The following PITPNC1 variants were observed in gnomAD, a reference collection of about 807,000 sequenced individuals.
PITPNC1 encodes phosphatidylinositol transfer protein cytoplasmic 1, also known as cytoplasmic phosphatidylinositol transfer protein 1.
Under a neutral mutation model 44.7 loss-of-function variants are expected in PITPNC1, and 18 were observed. The observed-to-expected ratio is 0.40, with a 90% CI of 0.28 to 0.60. PITPNC1 has a LOEUF of 0.60. Among genes scored for constraint, PITPNC1 ranks in the 20% least tolerant of loss-of-function variants. PITPNC1 has a pLI of 0.39. For synonymous variants in PITPNC1, 141 were observed against 149.6 expected (o/e 0.94, Z 0.42); for missense variants, 290 against 418.4 (o/e 0.69, Z 2.68).
intron 1 of PITPNC1, among the ~76,000 whole-genome samples, chr17:67,476,574 A>G (rs949851866): frequency 3.3e-5 from 5 of 152,156 alleles, no homozygotes; most frequent in African/African-American, 9.7e-5. Context: ...CTGGATGCAT[A>G]TAAGAATCAC....
chr17:67,641,072 CA>C (rs2042088149), intron 6 of PITPNC1, among the ~76,000 whole-genome samples: 1 of 152,148 alleles, frequency 6.6e-6, no homozygotes, highest in Non-Finnish European at 1.5e-5. Flanking sequence ...AGCAAGGCAG[CA>C]AGAGAAATAC....
rs1387903519 is a variant in PITPNC1, at chr17:67,377,297, G to A, written c.-858G>A. The A allele has an allele frequency of 6.6e-6, 1 of 152,252 alleles. No individual in the cohort carries two copies. Among genetic ancestry groups the A allele is most frequent in the Non-Finnish European group, 1.5e-5 (1 of 68,100 alleles). 9.4% of individuals were successfully genotyped at this position (152,252 alleles called of 1,614,324 possible). Reference sequence around the variant, plus strand: ...CTCGCTCCTCCCGCACCCACCTCCCGGCCCCAGGCACACTGCATCGGCGCG... The same window carrying A: ...CTCGCTCCTCCCGCACCCACCTCCCAGCCCCAGGCACACTGCATCGGCGCG... On this transcript the variant is annotated 5_prime_UTR_variant, in exon 1 of 9. Transcript: ENST00000581322.
chr17:67,477,083 T>G (rs566525706), intron 1 of PITPNC1, among the ~76,000 whole-genome samples: 60 of 152,180 alleles, frequency 3.9e-4, no homozygotes, highest in African/African-American at 1.2e-3. Context: ...GGAGGATGTC[T>G]TATTTGTTTA....
chr17:67,565,905 T>G (rs2040974143), intron 4 of PITPNC1, among the ~76,000 whole-genome samples: 3 of 152,226 alleles, frequency 2.0e-5, no homozygotes, highest in African/African-American at 7.2e-5. Flanking sequence ...TGTTTTTCAG[T>G]GTGTATACTC....
intron 1 of PITPNC1, among the ~76,000 whole-genome samples, chr17:67,419,011 T>G (rs1280085050): frequency 1.3e-5 from 2 of 152,148 alleles, no homozygotes; most frequent in Non-Finnish European, 2.9e-5. Context: ...AGGTTTGGCT[T>G]GATATTACAA....
intron 4 of PITPNC1, among the ~76,000 whole-genome samples, chr17:67,566,724 A>G (rs142763212): frequency 8.9e-4 from 136 of 152,350 alleles, no homozygotes; most frequent in African/African-American, 3.2e-3. Flanking sequence ...CACGTCTATC[A>G]TATGACAGAT....
At position 67,695,606 on chromosome 17, in the gene PITPNC1, G is replaced by GTGTA. The variant is rs1036780986; in HGVS notation, c.*2719_*2720insGTAT. 9.8e-5 allele frequency: 14 copies of GTGTA among 142,982 alleles called. No individual in the cohort carries two copies. The highest frequency in any genetic ancestry group is 3.6e-4 in the Admixed American group (5 of 14,020). The allele number at this position is 142,982 out of a possible 1,614,324, so 8.9% of individuals were successfully genotyped here. A position where few individuals can be genotyped will look rare whatever the true frequency, so the allele number is the denominator to read the frequency against. On this transcript the variant is annotated 3_prime_UTR_variant, in exon 9 of 9. Transcript: ENST00000581322. Reference sequence around the variant, plus strand: ...TTCACCAAAATTGTATTATACCTGTGTATATATATATATATATATATATAT... The same window carrying GTGTA: ...TTCACCAAAATTGTATTATACCTGTGTGTATATATATATATATATATATATATAT...
rs2042987538 is a variant in PITPNC1, at chr17:67,695,011, AT to A, written c.*2125del. On this transcript the variant is annotated 3_prime_UTR_variant, in exon 9 of 9. Transcript: ENST00000581322. ...GGCACCTAGTTTTTCCATTAAGAGC[AT>A]TGCTATTTTCCCTTTTTATAAAGTA... 1 of 152,222 alleles carries A rather than the reference AT, an allele frequency of 6.6e-6. No homozygotes were observed. Among genetic ancestry groups the A allele is most frequent in the African/African-American group, 2.4e-5 (1 of 41,458 alleles). 9.4% of individuals were successfully genotyped at this position (152,222 alleles called of 1,614,324 possible).
intron 5 of PITPNC1, among the ~76,000 whole-genome samples, chr17:67,604,763 A>G (rs1171059472): frequency 6.6e-6 from 1 of 151,956 alleles, no homozygotes; most frequent in African/African-American, 2.4e-5. Flanking sequence ...AGCCTGGACA[A>G]CAGAGTGAGA....
At chr17:67,543,963 G>A (rs1368887498) in intron 2 of PITPNC1, among the ~76,000 whole-genome samples, 2 of 152,182 alleles carry the variant, frequency 1.3e-5, no homozygotes, top group African/African-American at 4.8e-5. Flanking sequence ...CGATTCTCCC[G>A]CCTCAGCCTC....
intron 1 of PITPNC1, among the ~76,000 whole-genome samples, chr17:67,493,328 C>G (rs2039888452): frequency 6.6e-6 from 1 of 152,170 alleles, no homozygotes; most frequent in South Asian, 2.1e-4. Flanking sequence ...GGGCTACTGA[C>G]TGTGAATTTT....
chr17:67,457,308 C>T (rs1382737673), intron 1 of PITPNC1: 3 of 152,260 alleles, frequency 2.0e-5, no homozygotes, highest in African/African-American at 4.8e-5. Flanking sequence ...TCATTTGTTA[C>T]TGAGAAGTCT....
chr17:67,544,424 G>T (rs922406762), intron 2 of PITPNC1, among the ~76,000 whole-genome samples: 5 of 152,156 alleles, frequency 3.3e-5, no homozygotes, highest in African/African-American at 1.2e-4. Flanking sequence ...GGGTGGAGGG[G>T]CACTGGAGAA....
intron 5 of PITPNC1, 37 bp from the exon 6 acceptor site, chr17:67,632,106 T>C: frequency 7.6e-7 from 1 of 1,310,576 alleles, no homozygotes; most frequent in Non-Finnish European, 1.1e-6. Flanking sequence ...TAACACCTGC[T>C]ATCACTAACC....
In PITPNC1 at chr17:67,377,483, C is replaced by A; in HGVS notation, c.-672C>A. 6.5e-6 allele frequency: 1 copy of A among 153,364 alleles called. No individual in the cohort carries two copies. The highest frequency in any genetic ancestry group is 1.8e-4 in the South Asian group (1 of 5,660). The allele number at this position is 153,364 out of a possible 1,614,324, so 9.5% of individuals were successfully genotyped here. On this transcript the variant is annotated 5_prime_UTR_variant, in exon 1 of 9. Coordinates refer to ENST00000581322, the MANE Select transcript of PITPNC1 (RefSeq NM_012417.4). The stretch of plus-strand genomic sequence containing the variant: ...GGTTGGAGGCGCCCGGGGCCCCAGC[C>A]GGGCAGAGCCGAGCGGCGGCGGCGG...
intron 5 of PITPNC1, among the ~76,000 whole-genome samples, chr17:67,579,293 C>A (rs2041194173): frequency 6.6e-6 from 1 of 152,214 alleles, no homozygotes; most frequent in African/African-American, 2.4e-5. Flanking sequence ...TACCAAAAGC[C>A]TCACCTGGGA....
intron 2 of PITPNC1, among the ~76,000 whole-genome samples, chr17:67,547,598 A>G (rs987300558): frequency 1.3e-5 from 2 of 152,230 alleles, no homozygotes; most frequent in Non-Finnish European, 2.9e-5. Flanking sequence ...ATTAGACTCT[A>G]TTTAGACACG....
At chr17:67,582,419 C>A (rs57262973) in intron 5 of PITPNC1, among the ~76,000 whole-genome samples, 1 of 152,086 alleles carries the variant, frequency 6.6e-6, no homozygotes, top group Non-Finnish European at 1.5e-5. Flanking sequence ...TGTTTCCTCC[C>A]CTACCTGCCA....
chr17:67,437,299 C>T (rs960002198), intron 1 of PITPNC1, among the ~76,000 whole-genome samples: 2 of 152,016 alleles, frequency 1.3e-5, no homozygotes, highest in Non-Finnish European at 2.9e-5. Flanking sequence ...GACCTGTATC[C>T]AATGACTGAT....
Sources: gnomAD v4.1 joint callset for allele counts (sites outside exome capture counted in the v4.1 genomes callset) on GRCh38, gnomAD v4.1.1 for gene constraint, MANE v1.5 for transcripts, NCBI Gene and HGNC (gene_info 2026-07-23, HGNC 2026-07-21) for gene names.